The following SLC6A11 variants were observed in gnomAD, a reference collection of about 807,000 sequenced individuals.
SLC6A11 encodes sodium- and chloride-dependent GABA transporter 3.
Under a neutral mutation model 74.8 loss-of-function variants are expected in SLC6A11, and 25 were observed. The ratio of observed to expected loss-of-function variants is 0.33; its 90% CI spans 0.24 to 0.47. The LOEUF (loss-of-function observed/expected upper bound fraction) is 0.47, where lower values mean the gene tolerates loss of function less well. Among genes scored for constraint, SLC6A11 ranks in the 20% least tolerant of loss-of-function variants. The pLI is 1.00. For missense variants in SLC6A11, 574 were observed against 837.0 expected (o/e 0.69, Z 3.88); for synonymous variants, 330 against 330.2 (o/e 1.00, Z 0.01).
chr3:10,887,822 A>G (rs973997258), intron 6 of SLC6A11, among the ~76,000 whole-genome samples: 2 of 152,244 alleles, frequency 1.3e-5, no homozygotes, highest in African/African-American at 4.8e-5. Context: ...TCAGAGGTGG[A>G]AAGTCTGCAG....
intron 6 of SLC6A11, among the ~76,000 whole-genome samples, chr3:10,907,557 A>T (rs1380822782): frequency 1.3e-5 from 2 of 152,206 alleles, no homozygotes; most frequent in African/African-American, 4.8e-5. Context: ...AGCCTGAGAA[A>T]ATCAACACAG....
chr3:10,938,189 G>A (rs1323754694), intron 13 of SLC6A11, 61 bp from the exon 14 acceptor site: 16 of 1,489,734 alleles, frequency 1.1e-5, no homozygotes, highest in East Asian at 2.3e-5. Flanking sequence ...GAGAGGCCAC[G>A]GCAGACCCTG....
chr3:10,866,940 G>A (rs1343303451), intron 5 of SLC6A11, among the ~76,000 whole-genome samples: 2 of 152,194 alleles, frequency 1.3e-5, no homozygotes, highest in Non-Finnish European at 2.9e-5. Context: ...ATGCCAGACT[G>A]TTAGTTGACT....
chr3:10,911,444 T>C (rs1463643106), intron 6 of SLC6A11, among the ~76,000 whole-genome samples: 1 of 152,134 alleles, frequency 6.6e-6, no homozygotes, highest in African/African-American at 2.4e-5. Context: ...AAAGTAGTTA[T>C]CTTGTGTACC....
In SLC6A11 at chr3:10,823,430, G is replaced by T. The variant is rs757487451; in HGVS notation, c.623+38G>T. ...GAACTTGTCTCCCTTGGCCTGTGGG[G>T]GCTCTGTCCTGGTTCTGCTCAGTTG... On this transcript the variant is annotated intron_variant, in intron 4 of 13. Coordinates refer to ENST00000254488, the MANE Select transcript of SLC6A11 (RefSeq NM_014229.3). 6.5e-6 allele frequency: 9 copies of T among 1,385,364 alleles called. No individual in the cohort carries two copies. In the South Asian group the frequency reaches 1.0e-4, roughly 16 times the overall value. The allele number at this position is 1,385,364 out of a possible 1,614,324, so 85.8% of individuals were successfully genotyped here.
At chr3:10,931,054 T>C (rs914836086) in intron 10 of SLC6A11, among the ~76,000 whole-genome samples, 2 of 152,156 alleles carry the variant, frequency 1.3e-5, no homozygotes, top group African/African-American at 4.8e-5. Flanking sequence ...TAAACTCAGC[T>C]CTAAGAAAAA....
intron 4 of SLC6A11, among the ~76,000 whole-genome samples, chr3:10,826,898 T>C (rs1237717515): frequency 6.6e-6 from 1 of 152,242 alleles, no homozygotes; most frequent in East Asian, 1.9e-4. Context: ...GTATAGACCA[T>C]CCTGCCAGCT....
chr3:10,899,114 C>T (rs1309623729), intron 6 of SLC6A11, among the ~76,000 whole-genome samples: 1 of 152,204 alleles, frequency 6.6e-6, no homozygotes, highest in Non-Finnish European at 1.5e-5. Context: ...CCACTGGTCC[C>T]TCCCACAACA....
intron 5 of SLC6A11, among the ~76,000 whole-genome samples, chr3:10,845,802 G>T (rs1441677486): frequency 1.3e-5 from 2 of 152,172 alleles, no homozygotes; most frequent in African/African-American, 4.8e-5. Context: ...TTTGTAGTTT[G>T]TATCATGAAG....
chr3:10,877,592 T>C (rs1169683197), intron 6 of SLC6A11, among the ~76,000 whole-genome samples: 1 of 152,148 alleles, frequency 6.6e-6, no homozygotes, highest in Non-Finnish European at 1.5e-5. Flanking sequence ...ACTTCCAGAC[T>C]CTCAGAGGAA....
At chr3:10,852,688 C>T (rs1019289536) in intron 5 of SLC6A11, among the ~76,000 whole-genome samples, 5 of 152,220 alleles carry the variant, frequency 3.3e-5, no homozygotes, top group Admixed American at 6.5e-5. Flanking sequence ...GCGCTGTCCC[C>T]GTGCACATGG....
At chr3:10,837,285 C>T (rs1236799473) in intron 4 of SLC6A11, among the ~76,000 whole-genome samples, 1 of 152,068 alleles carries the variant, frequency 6.6e-6, no homozygotes, top group African/African-American at 2.4e-5. Context: ...GGTGTGTGGC[C>T]AAAGAGTAGG....
chr3:10,898,206 T>G (rs1467326476), intron 6 of SLC6A11, among the ~76,000 whole-genome samples: 1 of 152,230 alleles, frequency 6.6e-6, no homozygotes, highest in Non-Finnish European at 1.5e-5. Flanking sequence ...TGTGAAGACT[T>G]CTGACATGCC....
Position 10,918,215 on chromosome 3 carries a change from C to T in SLC6A11, c.996-114C>T. The T allele has an allele frequency of 8.1e-7, 1 of 1,234,580 alleles. No individual in the cohort carries two copies. The highest frequency in any genetic ancestry group is 1.6e-5 in the African/African-American group (1 of 63,604). 76.5% of individuals were successfully genotyped at this position (1,234,580 alleles called of 1,614,324 possible). On this transcript the variant is annotated intron_variant, in intron 7 of 13. Coordinates refer to ENST00000254488, the MANE Select transcript of SLC6A11 (RefSeq NM_014229.3). This position sits in a 1 kb window ranked among gnomAD's most constrained non-coding sequence, Gnocchi z 4.5. Reference sequence around the variant, plus strand: ...ATCAGAAAAACAGAGCTCCCTGTGCCTGCACTTCCCTGCCTGCCTCACAGG... The same window carrying T: ...ATCAGAAAAACAGAGCTCCCTGTGCTTGCACTTCCCTGCCTGCCTCACAGG...
chr3:10,832,210 C>T (rs1317407616), intron 4 of SLC6A11, among the ~76,000 whole-genome samples: 1 of 152,228 alleles, frequency 6.6e-6, no homozygotes, highest in East Asian at 1.9e-4. Context: ...TGGCCCCGAG[C>T]AGCCCTGGTG....
intron 6 of SLC6A11, among the ~76,000 whole-genome samples, chr3:10,909,552 A>G (rs1013062615): frequency 3.3e-5 from 5 of 152,064 alleles, no homozygotes; most frequent in South Asian, 2.1e-4. Context: ...CTCTCCCACA[A>G]CTCTGAGGGC....
At chr3:10,882,561 A>T (rs181354618) in intron 6 of SLC6A11, among the ~76,000 whole-genome samples, 3 of 152,340 alleles carry the variant, frequency 2.0e-5, no homozygotes, top group African/African-American at 7.2e-5. Context: ...AGTCCCTGCA[A>T]CACAGGAAGG....
At chr3:10,914,595 G>A (rs941829468) in intron 7 of SLC6A11, among the ~76,000 whole-genome samples, 12 of 152,138 alleles carry the variant, frequency 7.9e-5, no homozygotes, top group African/African-American at 2.4e-4. Flanking sequence ...TTGGGTGACC[G>A]GATGACAATG....
intron 6 of SLC6A11, among the ~76,000 whole-genome samples, chr3:10,892,706 G>A (rs1695121601): frequency 6.6e-6 from 1 of 152,016 alleles, no homozygotes; most frequent in Non-Finnish European, 1.5e-5. Context: ...GCAAAGCCCA[G>A]GAATTAGTCT....
Sources: allele counts gnomAD v4.1 joint callset (sites outside exome capture counted in the v4.1 genomes callset), GRCh38; gene constraint gnomAD v4.1.1; non-coding constraint Gnocchi (gnomAD v3.1); transcripts MANE v1.5; gene names NCBI Gene and HGNC (gene_info 2026-07-23, HGNC 2026-07-21).